The following RUFY3 variants were observed in gnomAD, a reference collection of about 807,000 sequenced individuals.
The protein encoded by RUFY3 is RUN and FYVE domain containing 3, also known as protein RUFY3.
Under a neutral mutation model 84.0 loss-of-function variants are expected in RUFY3, and 34 were observed. That is an observed-to-expected ratio of 0.40 (90% confidence interval 0.31 to 0.54). The LOEUF is 0.54. Among genes scored for constraint, RUFY3 ranks in the 20% least tolerant of loss-of-function variants. RUFY3 has a pLI of 0.39. For missense variants in RUFY3, 507 were observed against 736.8 expected (o/e 0.69, Z 3.61); for synonymous variants, 242 against 252.9 (o/e 0.96, Z 0.41).
chr4:70,778,360 A>T lies in RUFY3; in HGVS notation c.825-9A>T, dbSNP rs761191309. 3.9e-6 allele frequency: 6 copies of T among 1,530,546 alleles called. No homozygotes were observed. The South Asian group carries it at 6.8e-5, about 17-fold the overall frequency. 94.8% of individuals were successfully genotyped at this position (1,530,546 alleles called of 1,614,324 possible). ...CAAAAGTGACTTTTTTTTCTTCTCT[A>T]TATTATAGTGCTACTGTAAACAACC... On this transcript the variant is annotated splice_polypyrimidine_tract_variant and intron_variant, in intron 7 of 17. Transcript: ENST00000381006.
chr4:70,803,843 C>A (rs1732541778), intron 16 of RUFY3, among the ~76,000 whole-genome samples: 1 of 152,034 alleles, frequency 6.6e-6, no homozygotes, highest in African/African-American at 2.4e-5. Context: ...CTGCCTCAGC[C>A]TCCCGAGTAG....
At chr4:70,747,136 A>G (rs1048573235) in intron 1 of RUFY3, among the ~76,000 whole-genome samples, 2 of 152,212 alleles carry the variant, frequency 1.3e-5, no homozygotes, top group African/African-American at 2.4e-5. Context: ...AAATGCAACA[A>G]GAGAAAAAAC....
chr4:70,707,196 G>A (rs991574162), intron 1 of RUFY3, among the ~76,000 whole-genome samples: 8 of 152,232 alleles, frequency 5.3e-5, no homozygotes, highest in African/African-American at 1.7e-4. Flanking sequence ...GGGACTAGAG[G>A]ACTTAAAGCT....
chr4:70,732,915 T>A (rs13152829), intron 1 of RUFY3, among the ~76,000 whole-genome samples: 1 of 151,390 alleles, frequency 6.6e-6, no homozygotes, highest in Admixed American at 6.6e-5. Context: ...TTAAAAAAAA[T>A]AAAAAGCCAG....
chr4:70,791,117 T>TAAA (rs375201210), intron 12 of RUFY3: 142,351 of 890,456 alleles, frequency 0.16, 13,226 homozygotes, highest in Non-Finnish European at 0.18. Context: ...GAATAATGAC[T>TAAA]TATCTCTTTG....
chr4:70,727,818 A>G (rs1389402573), intron 1 of RUFY3, among the ~76,000 whole-genome samples: 2 of 152,022 alleles, frequency 1.3e-5, no homozygotes, highest in Non-Finnish European at 2.9e-5. Context: ...TTTTAAAGAA[A>G]TTCACCAATA....
chr4:70,779,950 G>A (rs1480819276), intron 8 of RUFY3, among the ~76,000 whole-genome samples: 5 of 152,136 alleles, frequency 3.3e-5, no homozygotes, highest in African/African-American at 1.2e-4. Context: ...TCAAATTAAA[G>A]CACTAGTCAG....
intron 1 of RUFY3, chr4:70,734,240 T>A: frequency 4.3e-6 from 1 of 232,658 alleles, no homozygotes; most frequent in Non-Finnish European, 7.1e-6. Flanking sequence ...GCATTTGATT[T>A]ATTCCTTTCC....
chr4:70,793,216 T>A, intron 12 of RUFY3: 1 of 986,194 alleles, frequency 1.0e-6, no homozygotes, highest in Non-Finnish European at 1.2e-6. Context: ...ACAGCCAAAC[T>A]CTGACAAAGG....
intron 12 of RUFY3, chr4:70,789,850 A>G (rs1310503706): frequency 1.8e-6 from 2 of 1,129,126 alleles, no homozygotes; most frequent in Admixed American, 4.8e-5. Flanking sequence ...TTTGAACATC[A>G]GAACTCTTAA....
At chr4:70,799,858 C>A in intron 14 of RUFY3, 1 of 310,476 alleles carries the variant, frequency 3.2e-6, no homozygotes, top group Non-Finnish European at 5.8e-6. Context: ...TAACTGATAT[C>A]TGGAGCCAAC....
chr4:70,750,033 C>T (rs1325964699), intron 1 of RUFY3, among the ~76,000 whole-genome samples: 1 of 151,264 alleles, frequency 6.6e-6, no homozygotes, highest in Non-Finnish European at 1.5e-5. Flanking sequence ...AGGGTCTCAA[C>T]CCTGTTGCCC....
intron 1 of RUFY3, among the ~76,000 whole-genome samples, chr4:70,746,059 A>C (rs944203652): frequency 6.6e-6 from 1 of 151,678 alleles, no homozygotes; most frequent in East Asian, 1.9e-4. Context: ...CAACAAAAAA[A>C]TTGGCGGGGC....
chr4:70,740,204 A>G (rs1450255458), intron 1 of RUFY3, among the ~76,000 whole-genome samples: 1 of 152,182 alleles, frequency 6.6e-6, no homozygotes, highest in Admixed American at 6.5e-5. Context: ...ATGCCAAGGT[A>G]AAGTGGAGAA....
At chr4:70,745,209 G>T (rs560476668) in intron 1 of RUFY3, among the ~76,000 whole-genome samples, 7 of 152,298 alleles carry the variant, frequency 4.6e-5, no homozygotes, top group African/African-American at 1.7e-4. Flanking sequence ...CTCCCAAAGT[G>T]CTGGGATTAC....
intron 1 of RUFY3, among the ~76,000 whole-genome samples, chr4:70,759,674 C>T (rs1420888662): frequency 6.6e-6 from 1 of 152,172 alleles, no homozygotes; most frequent in Non-Finnish European, 1.5e-5. Context: ...TCTGCATCCA[C>T]ACCAGCATTT....
intron 17 of RUFY3, among the ~76,000 whole-genome samples, chr4:70,805,589 T>C (rs1732752189): frequency 6.6e-6 from 1 of 152,218 alleles, no homozygotes; most frequent in Admixed American, 6.5e-5. Flanking sequence ...TAGTCTTAAA[T>C]TCACAGAATC....
At chr4:70,796,379 T>A (rs1032404312) in intron 14 of RUFY3, among the ~76,000 whole-genome samples, 13 of 152,210 alleles carry the variant, frequency 8.5e-5, no homozygotes, top group African/African-American at 2.4e-4. Context: ...TAGCCATTGC[T>A]TTGATTGTGC....
At chr4:70,738,137 C>T (rs927341681) in intron 1 of RUFY3, among the ~76,000 whole-genome samples, 1 of 151,756 alleles carries the variant, frequency 6.6e-6, no homozygotes, top group Non-Finnish European at 1.5e-5. Flanking sequence ...GCATGCTGCA[C>T]TACCACACCT....
Sources: gnomAD v4.1 joint callset for allele counts (sites outside exome capture counted in the v4.1 genomes callset) on GRCh38, gnomAD v4.1.1 for gene constraint, MANE v1.5 for transcripts, NCBI Gene and HGNC (gene_info 2026-07-23, HGNC 2026-07-21) for gene names.